The following PIGZ variants were observed in gnomAD, a reference collection of about 807,000 sequenced individuals.
PIGZ encodes the protein phosphatidylinositol glycan anchor biosynthesis class Z (Gwada blood group).
Under a neutral mutation model 16.4 loss-of-function variants are expected in PIGZ, and 16 were observed. That is an observed-to-expected ratio of 0.97 (90% confidence interval 0.66 to 1.48). PIGZ has a LOEUF of 1.48. Among genes scored for constraint, PIGZ ranks in the 40% most tolerant of loss-of-function variants. The pLI is 0.00. For synonymous variants in PIGZ, 409 were observed against 338.4 expected, an observed-to-expected ratio of 1.21 and a Z score of -2.29; for missense variants, 770 against 739.2, an observed-to-expected ratio of 1.04 and a Z score of -0.48.
At position 196,948,280 on chromosome 3, in the gene PIGZ, G is replaced by T; in HGVS notation, c.617C>A (p.Ala206Glu). 6.2e-7 allele frequency: 1 copy of T among 1,614,114 alleles called. No individual in the cohort carries two copies. The highest frequency in any genetic ancestry group is 1.7e-5 in the Admixed American group (1 of 60,016). ...VTWGPTRKEPAPGPRWRSWLL... is the reference protein window; with the variant it reads ...VTWGPTRKEPEPGPRWRSWLL... ...CCAGCTGCGCCACCGTGGACCCGGC[G>T]CCGGCTCCTTGCGTGTAGGGCCCCA... Residue 206 changes from alanine to glutamate, a missense_variant, in exon 3 of 3, where the codon GCG becomes GAG. Coordinates refer to ENST00000412723, the MANE Select transcript of PIGZ (RefSeq NM_025163.4).
rs762754109 is a variant in PIGZ at position 196,947,879 on chromosome 3, G to T, written c.1018C>A (p.Arg340=). Residue 340 remains arginine (R), a synonymous_variant, in exon 3 of 3, where the codon CGG becomes AGG. Coordinates refer to ENST00000412723, the MANE Select transcript of PIGZ (RefSeq NM_025163.4). ...GAGGCCTGGAGGCCGACTTGCAGCC[G>T]TTGCCACGCAGCCTGCAGGGCCTGG... ...HAQALQAAWQ[R]LQVGLQASAQ... 3 of 1,613,932 alleles carry T rather than the reference G, an allele frequency of 1.9e-6. No individual in the cohort carries two copies. The Admixed American group carries it at 5.0e-5, about 27-fold the overall frequency.
chr3:196,953,838 G>A (rs923561210), intron 1 of PIGZ, among the ~76,000 whole-genome samples: 13 of 147,968 alleles, frequency 8.8e-5, no homozygotes, highest in East Asian at 1.9e-4. Context: ...CCATTTCTAC[G>A]AAAAAATAGC....
At chr3:196,951,659 C>T (rs2108904017) in intron 2 of PIGZ, 162 bp downstream of exon 2, 2 of 669,670 alleles carry the variant, frequency 3.0e-6, no homozygotes, top group East Asian at 5.4e-5. Context: ...GATATGAAGT[C>T]CCCACTTCCA....
chr3:196,951,858 G>A lies in PIGZ; in HGVS notation c.174C>T (p.His58=). 1 of 1,614,136 alleles carries A rather than the reference G, an allele frequency of 6.2e-7. No individual in the cohort carries two copies. The highest frequency in any genetic ancestry group is 8.5e-7 in the Non-Finnish European group (1 of 1,180,042). Residue 58 remains histidine (H), a synonymous_variant, in exon 2 of 3, where the codon CAC becomes CAT. Coordinates refer to ENST00000412723, the MANE Select transcript of PIGZ (RefSeq NM_025163.4). ...WCLLPQTGYV[H]PDEFFQSPEV... ...CAGGGGACTGGAAGAACTCATCTGGGTGCACATAGCCCGTCTGCGGAAGGA... is the reference window on the plus strand; with the variant it reads ...CAGGGGACTGGAAGAACTCATCTGGATGCACATAGCCCGTCTGCGGAAGGA...
Position 196,947,460 on chromosome 3 carries a change from C to T in PIGZ, c.1437G>A (p.Gly479=), listed in dbSNP as rs751030104. 9 of 1,613,536 alleles carry T rather than the reference C, an allele frequency of 5.6e-6. No individual in the cohort carries two copies. The highest frequency in any genetic ancestry group is 7.6e-6 in the Non-Finnish European group (9 of 1,180,012). The change falls in exon 3 of 3, where the codon GGG becomes GGA. Residue 479 remains glycine, a synonymous_variant. Coordinates refer to ENST00000412723, the MANE Select transcript of PIGZ (RefSeq NM_025163.4). ...CCATGTCCACCACCTCCACTGGTGC[C>T]CCCAGGCCTGGGAGGTGTAGGAGGT... ...PRHLLHLPGL[G]APVEVVDMGG...
chr3:196,968,183 G>A (rs1259731445), intron 1 of PIGZ, among the ~76,000 whole-genome samples: 1 of 152,200 alleles, frequency 6.6e-6, no homozygotes, highest in African/African-American at 2.4e-5. Context: ...TGGGAGTGCA[G>A]GCCTGGCCCG....
At chr3:196,957,577 T>G (rs1717548134) in intron 1 of PIGZ, among the ~76,000 whole-genome samples, 1 of 152,132 alleles carries the variant, frequency 6.6e-6, no homozygotes, top group African/African-American at 2.4e-5. Flanking sequence ...AGACGGGGTT[T>G]CATCATGTTG....
chr3:196,947,700 C>G lies in PIGZ; in HGVS notation c.1197G>C (p.Leu399=). 3 of 1,613,184 alleles carry G rather than the reference C, an allele frequency of 1.9e-6. No individual in the cohort carries two copies. The highest frequency in any genetic ancestry group is 1.7e-6 in the Non-Finnish European group (2 of 1,179,572). The change falls in exon 3 of 3, where the codon CTG becomes CTC. Residue 399 remains leucine (L), a synonymous_variant. Coordinates refer to ENST00000412723, the MANE Select transcript of PIGZ (RefSeq NM_025163.4). ...ARFLIPLLVP[L]VLLCSPQTQP... Reference sequence around the variant, plus strand: ...GCGTCTGTGGACTACAAAGCAGGACCAGGGGGACCAGGAGGGGAATCAGGA... The same window carrying G: ...GCGTCTGTGGACTACAAAGCAGGACGAGGGGGACCAGGAGGGGAATCAGGA...
In PIGZ at chr3:196,950,891, C is replaced by A. The variant is rs1717253906; in HGVS notation, c.211+930G>T. Among the ~76,000 whole-genome samples the A allele has an allele frequency of 2.6e-5, 4 of 151,922 alleles. No homozygotes were observed. In the South Asian group the frequency reaches 8.3e-4, roughly 32 times the overall value. ...TCCCAAGTAGCTGGGATTACAGGCG[C>A]CTGCCACCATGCCAGGCTAATGTTT... On this transcript the variant is annotated intron_variant, in intron 2 of 2. Transcript: ENST00000412723.
Position 196,947,115 on chromosome 3 carries a change from T to C in PIGZ, c.*42A>G. The C allele has an allele frequency of 1.3e-6, 2 of 1,507,306 alleles. No homozygotes were observed. The highest frequency in any genetic ancestry group is 2.7e-5 in the South Asian group (2 of 73,492). The allele number at this position is 1,507,306 out of a possible 1,614,324, so 93.4% of individuals were successfully genotyped here. A position where few individuals can be genotyped will look rare whatever the true frequency, so the allele number is the denominator to read the frequency against. ...CCCAAGTAGAAGGTGGGGCGGCATC[T>C]TCTATGGCTGAGTCTTGGGCAGTGG... is the stretch of plus-strand genomic sequence containing the variant. On this transcript the variant is annotated 3_prime_UTR_variant, in exon 3 of 3. Transcript: ENST00000412723.
chr3:196,960,764 A>AAAGAAAGAAAGAAAGAAAGG (rs1553839867), intron 1 of PIGZ, among the ~76,000 whole-genome samples: 5 of 146,718 alleles, frequency 3.4e-5, no homozygotes, highest in African/African-American at 1.3e-4. Flanking sequence ...AGAAAGAAAG[A>AAAGAAAGAAAGAAAGAAAGG]AAAGAAAACA....
intron 1 of PIGZ, among the ~76,000 whole-genome samples, chr3:196,955,619 C>T (rs1406224614): frequency 1.4e-5 from 2 of 143,386 alleles, no homozygotes; most frequent in South Asian, 2.2e-4. Context: ...CTCTGCTGCC[C>T]AGGCTGGAGT....
Position 196,965,473 on chromosome 3 carries a change from A to T in PIGZ, c.-1+3214T>A, listed in dbSNP as rs951819899. ...AATTCAAGATGAGATTGGGGCGGGG[A>T]CACAAAAGCCTAACCATGTCATACC... On this transcript the variant is annotated intron_variant, in intron 1 of 2. Coordinates refer to ENST00000412723, the MANE Select transcript of PIGZ (RefSeq NM_025163.4). This position sits in a 1 kb window ranked among gnomAD's most constrained non-coding sequence, Gnocchi z 4.2. Among the ~76,000 whole-genome samples, 3 of 152,154 alleles carry T rather than the reference A, an allele frequency of 2.0e-5. No homozygotes were observed. The highest frequency in any genetic ancestry group is 7.2e-5 in the African/African-American group (3 of 41,442).
intron 1 of PIGZ, 101 bp downstream of exon 1, chr3:196,968,586 G>A (rs1718034894): frequency 1.3e-5 from 2 of 152,296 alleles, no homozygotes; most frequent in Admixed American, 1.3e-4. Flanking sequence ...TGGGCCTGCT[G>A]GTCTCCCGGC....
intron 1 of PIGZ, among the ~76,000 whole-genome samples, chr3:196,960,710 A>T (rs149598947): frequency 0.016 from 2,119 of 132,608 alleles, 16 homozygotes; most frequent in East Asian, 0.042. Flanking sequence ...GAAGAAAGGA[A>T]GGAAGGAAAG....
At chr3:196,951,267 C>T (rs949979198) in intron 2 of PIGZ, among the ~76,000 whole-genome samples, 6 of 152,158 alleles carry the variant, frequency 3.9e-5, no homozygotes, top group African/African-American at 9.7e-5. Context: ...CTCAAGCAGC[C>T]GTCTTGAACT....
At position 196,965,463 on chromosome 3, in the gene PIGZ, T is replaced by C. The variant is rs1218828688; in HGVS notation, c.-1+3224A>G. Among the ~76,000 whole-genome samples the C allele has an allele frequency of 2.0e-5, 3 of 152,168 alleles. No individual in the cohort carries two copies. Among genetic ancestry groups the C allele is most frequent in the Non-Finnish European group, 4.4e-5 (3 of 68,030 alleles). On this transcript the variant is annotated intron_variant, in intron 1 of 2. Coordinates refer to ENST00000412723, the MANE Select transcript of PIGZ (RefSeq NM_025163.4). This position sits in a 1 kb window ranked among gnomAD's most constrained non-coding sequence, Gnocchi z 4.2. The stretch of plus-strand genomic sequence containing the variant: ...TGGGGATTACAATTCAAGATGAGAT[T>C]GGGGCGGGGACACAAAAGCCTAACC...
rs201497598 is a variant in PIGZ at position 196,947,122 on chromosome 3, G to C, written c.*35C>G. On this transcript the variant is annotated 3_prime_UTR_variant, in exon 3 of 3. Transcript: ENST00000412723. ...AGAAGGTGGGGCGGCATCTTCTATG[G>C]CTGAGTCTTGGGCAGTGGGTGCTCT... 2.6e-6 allele frequency: 4 copies of C among 1,510,478 alleles called. No homozygotes were observed. In the Admixed American group the frequency reaches 8.8e-5, roughly 33 times the overall value. The allele number at this position is 1,510,478 out of a possible 1,614,324, so 93.6% of individuals were successfully genotyped here. A position where few individuals can be genotyped will look rare whatever the true frequency, so the allele number is the denominator to read the frequency against.
intron 2 of PIGZ, chr3:196,951,544 T>C (rs1194085543): frequency 2.0e-6 from 1 of 502,494 alleles, no homozygotes. Flanking sequence ...CCAACACAGC[T>C]CTCATTCTGA....
Sources: allele counts gnomAD v4.1 joint callset (sites outside exome capture counted in the v4.1 genomes callset), GRCh38; gene constraint gnomAD v4.1.1; non-coding constraint Gnocchi (gnomAD v3.1); transcripts MANE v1.5; gene names NCBI Gene and HGNC (gene_info 2026-07-23, HGNC 2026-07-21).